The following RELN variants were observed in gnomAD, a reference collection of about 807,000 sequenced individuals.
The protein encoded by RELN is reelin.
Under a neutral mutation model 427.6 loss-of-function variants are expected in RELN, and 108 were observed. The observed-to-expected ratio is 0.25, with a 90% CI of 0.22 to 0.30. RELN has a LOEUF of 0.30. Among genes scored for constraint, RELN ranks in the 10% least tolerant of loss-of-function variants. The pLI is 1.00. For synonymous variants in RELN, 1,524 were observed against 1,513.4 expected (o/e 1.01, Z -0.16); for missense variants, 3,715 against 4,302.8 (o/e 0.86, Z 3.82).
In RELN at chr7:103,953,218, A is replaced by C. The variant is rs2116769286; in HGVS notation, c.226+35913T>G. Among the ~76,000 whole-genome samples the C allele has an allele frequency of 6.6e-6, 1 of 152,358 alleles. No homozygotes were observed. The highest frequency in any genetic ancestry group is 2.1e-4 in the South Asian group (1 of 4,830). On this transcript the variant is annotated intron_variant, in intron 1 of 64. Coordinates refer to ENST00000428762, the MANE Select transcript of RELN (RefSeq NM_005045.4). This position sits in a 1 kb window ranked among gnomAD's most constrained non-coding sequence, Gnocchi z 4.3. ...CCATGGAAGACAAGCCCTTGAAAGTATCCTCAACTCATATTTATTGCAAAC... is the reference window on the plus strand; with the variant it reads ...CCATGGAAGACAAGCCCTTGAAAGTCTCCTCAACTCATATTTATTGCAAAC...
At chr7:103,893,162 A>T (rs1794885997) in intron 2 of RELN, among the ~76,000 whole-genome samples, 1 of 152,140 alleles carries the variant, frequency 6.6e-6, no homozygotes, top group African/African-American at 2.4e-5. Context: ...CCACATGAAG[A>T]TGGAATGTAA....
chr7:103,899,941 T>A (rs1795046172), intron 2 of RELN, among the ~76,000 whole-genome samples: 1 of 152,166 alleles, frequency 6.6e-6, no homozygotes, highest in African/African-American at 2.4e-5. Flanking sequence ...TTGGAAGTTC[T>A]GGCCAGAGCA....
intron 12 of RELN, among the ~76,000 whole-genome samples, chr7:103,660,957 A>G (rs1833127264): frequency 6.6e-6 from 1 of 152,200 alleles, no homozygotes; most frequent in Non-Finnish European, 1.5e-5. Context: ...GTATTAACCT[A>G]AATTTCTCAG....
chr7:103,856,342 C>T (rs752869864), intron 2 of RELN, among the ~76,000 whole-genome samples: 1 of 151,766 alleles, frequency 6.6e-6, no homozygotes, highest in Non-Finnish European at 1.5e-5. Context: ...CTTTGGGGGG[C>T]TGAGGCAGGT....
chr7:103,941,675 T>C (rs1424750318), intron 1 of RELN, among the ~76,000 whole-genome samples: 1 of 152,180 alleles, frequency 6.6e-6, no homozygotes, highest in Non-Finnish European at 1.5e-5. Context: ...AAATCACTGC[T>C]GTCAAGATTC....
At chr7:103,630,246 T>C (rs1832422580) in intron 19 of RELN, 70 bp from the exon 20 acceptor site, 3 of 1,041,720 alleles carry the variant, frequency 2.9e-6, no homozygotes, top group African/African-American at 1.6e-5. Flanking sequence ...TATAGTGGGA[T>C]AGATTTCCCC....
chr7:103,865,698 T>C (rs2116508478), intron 2 of RELN, among the ~76,000 whole-genome samples: 1 of 152,228 alleles, frequency 6.6e-6, no homozygotes, highest in Admixed American at 6.5e-5. Context: ...AAATCCGAAA[T>C]TCTTTCATGA....
At chr7:103,588,957 A>C (rs74300463) in intron 28 of RELN, among the ~76,000 whole-genome samples, 1 of 141,268 alleles carries the variant, frequency 7.1e-6, no homozygotes, top group Non-Finnish European at 1.6e-5. Flanking sequence ...TTAGAGTTAT[A>C]ATTTGTTTCA....
chr7:103,583,475 C>A (rs956369824), intron 28 of RELN, among the ~76,000 whole-genome samples: 11 of 152,194 alleles, frequency 7.2e-5, no homozygotes, highest in African/African-American at 2.7e-4. Context: ...AAGAGATCTG[C>A]AAATTTGTTT....
chr7:103,936,731 G>C (rs900627817), intron 1 of RELN, among the ~76,000 whole-genome samples: 16 of 97,204 alleles, frequency 1.6e-4, no homozygotes, highest in African/African-American at 4.8e-4. Context: ...CACACAGACA[G>C]ACAGACAGAC....
intron 4 of RELN, among the ~76,000 whole-genome samples, chr7:103,761,847 G>A (rs1472679244): frequency 1.3e-5 from 2 of 152,190 alleles, no homozygotes; most frequent in South Asian, 2.1e-4. Context: ...CATAGATGGA[G>A]CAGATGTGAG....
At chr7:103,960,439 C>T (rs151028065) in intron 1 of RELN, among the ~76,000 whole-genome samples, 1,619 of 152,266 alleles carry the variant, frequency 0.011, 18 homozygotes, top group African/African-American at 0.037. Flanking sequence ...TCTGACATTC[C>T]CTATCCTCCT....
At chr7:103,570,982 G>T (rs978622715) in intron 31 of RELN, among the ~76,000 whole-genome samples, 17 of 152,140 alleles carry the variant, frequency 1.1e-4, no homozygotes, top group Non-Finnish European at 5.9e-5. Flanking sequence ...TTATTGAAGA[G>T]ATTAGGGAAT....
intron 16 of RELN, among the ~76,000 whole-genome samples, chr7:103,646,364 C>T (rs758800703): frequency 1.3e-5 from 2 of 151,272 alleles, no homozygotes; most frequent in Non-Finnish European, 3.0e-5. Context: ...CCAAGTTGAC[C>T]AATCACTAGC....
chr7:103,955,681 T>C (rs1796418706), intron 1 of RELN, among the ~76,000 whole-genome samples: 2 of 152,158 alleles, frequency 1.3e-5, no homozygotes, highest in South Asian at 4.1e-4. Flanking sequence ...TTGGGCACTG[T>C]AAGGCCCCGA....
At chr7:103,801,782 T>C (rs752459021) in intron 3 of RELN, among the ~76,000 whole-genome samples, 1 of 151,730 alleles carries the variant, frequency 6.6e-6, no homozygotes, top group Non-Finnish European at 1.5e-5. Context: ...ACCCACCTCA[T>C]AGGGTAATGG....
chr7:103,501,030 T>C (rs1829010069), intron 52 of RELN, 108 bp from the exon 53 acceptor site: 5 of 959,558 alleles, frequency 5.2e-6, no homozygotes, highest in South Asian at 2.6e-5. Flanking sequence ...TTTAAGATAC[T>C]CTTACTAGAT....
At chr7:103,703,291 G>GT (rs1228374127) in intron 8 of RELN, among the ~76,000 whole-genome samples, 1 of 152,154 alleles carries the variant, frequency 6.6e-6, no homozygotes, top group Admixed American at 6.5e-5. Flanking sequence ...CGGTGTAGCT[G>GT]TATGTATAAC....
intron 1 of RELN, among the ~76,000 whole-genome samples, chr7:103,979,345 T>C (rs1432683235): frequency 6.6e-6 from 1 of 152,204 alleles, no homozygotes; most frequent in African/African-American, 2.4e-5. Context: ...ACATGACACA[T>C]GCCTTGCCAT....
Sources: gnomAD v4.1 joint callset for allele counts (sites outside exome capture counted in the v4.1 genomes callset) on GRCh38, gnomAD v4.1.1 for gene constraint, Gnocchi (gnomAD v3.1) non-coding constraint, MANE v1.5 for transcripts, NCBI Gene and HGNC (gene_info 2026-07-23, HGNC 2026-07-21) for gene names.